The following TFDP2 variants were observed in gnomAD, a reference collection of about 807,000 sequenced individuals.
TFDP2 encodes transcription factor Dp-2 (E2F dimerization partner 2).
In TFDP2, 17 loss-of-function variants were observed where a neutral mutation model predicts 59.3. The observed-to-expected ratio is 0.29, with a 90% CI of 0.20 to 0.43. TFDP2 has a LOEUF of 0.43. Among genes scored for constraint, TFDP2 ranks in the 20% least tolerant of loss-of-function variants. The pLI, the probability that TFDP2 is intolerant of heterozygous loss-of-function variation, is 1.00. For synonymous variants in TFDP2, 180 were observed against 194.7 expected, an observed-to-expected ratio of 0.92 and a Z score of 0.63; for missense variants, 391 against 528.8, an observed-to-expected ratio of 0.74 and a Z score of 2.56.
chr3:142,081,606 A>G (rs1257741212), intron 3 of TFDP2, among the ~76,000 whole-genome samples: 1 of 152,162 alleles, frequency 6.6e-6, no homozygotes, highest in Non-Finnish European at 1.5e-5. Context: ...AAAAAAAGAG[A>G]GAAGACCCAA....
intron 3 of TFDP2, among the ~76,000 whole-genome samples, chr3:142,011,440 TG>T (rs1465150850): frequency 1.1e-5 from 1 of 90,400 alleles, no homozygotes; most frequent in African/African-American, 4.3e-5. Context: ...GGGACTGTGG[TG>T]GGGTGGGGGG....
chr3:141,998,050 C>T (rs1166632819), intron 4 of TFDP2, among the ~76,000 whole-genome samples: 1 of 152,046 alleles, frequency 6.6e-6, no homozygotes, highest in Non-Finnish European at 1.5e-5. Context: ...CTGCTCCTTT[C>T]TCTTAGCACA....
chr3:142,103,582 T>C (rs1447974054), intron 1 of TFDP2, among the ~76,000 whole-genome samples: 2 of 152,194 alleles, frequency 1.3e-5, no homozygotes, highest in Non-Finnish European at 2.9e-5. Flanking sequence ...TCTCAAATGA[T>C]GACAAAATAT....
intron 9 of TFDP2, among the ~76,000 whole-genome samples, chr3:141,968,048 T>C: frequency 6.6e-6 from 1 of 151,496 alleles, no homozygotes; most frequent in East Asian, 1.9e-4. Flanking sequence ...CATGAGCTCT[T>C]AGGGGATACT....
chr3:142,046,078 G>A (rs1947335758), intron 3 of TFDP2, among the ~76,000 whole-genome samples: 1 of 152,142 alleles, frequency 6.6e-6, no homozygotes, highest in Admixed American at 6.5e-5. Flanking sequence ...AATTCAGTTT[G>A]TCATGACTTA....
chr3:142,090,405 A>G (rs958773157), intron 3 of TFDP2, among the ~76,000 whole-genome samples: 1 of 152,162 alleles, frequency 6.6e-6, no homozygotes, highest in Non-Finnish European at 1.5e-5. Context: ...CTGTAACTAA[A>G]CTTTACTGGT....
At chr3:142,085,316 G>T (rs2060776553) in intron 3 of TFDP2, among the ~76,000 whole-genome samples, 1 of 146,402 alleles carries the variant, frequency 6.8e-6, no homozygotes, top group African/African-American at 2.8e-5. Flanking sequence ...CATTTACCAT[G>T]ATGTGATTAT....
chr3:142,099,427 C>G (rs534308120), intron 2 of TFDP2, among the ~76,000 whole-genome samples: 7 of 152,120 alleles, frequency 4.6e-5, no homozygotes, highest in Non-Finnish European at 8.8e-5. Flanking sequence ...CCGGGCCAGG[C>G]GCGGTGGCTC....
intron 1 of TFDP2, among the ~76,000 whole-genome samples, chr3:142,112,577 C>G (rs1308196662): frequency 6.6e-6 from 1 of 152,214 alleles, no homozygotes; most frequent in Non-Finnish European, 1.5e-5. Context: ...AACACATTGA[C>G]AAAGTGATTG....
chr3:142,147,630 G>C (rs73236052), intron 1 of TFDP2, among the ~76,000 whole-genome samples: 12,686 of 152,272 alleles, frequency 0.083, 659 homozygotes, highest in Middle Eastern at 0.14. Context: ...AAAAGTAAGA[G>C]TTTAGTAAGT....
intron 1 of TFDP2, among the ~76,000 whole-genome samples, chr3:142,141,244 G>C (rs1463131936): frequency 6.6e-6 from 1 of 152,228 alleles, no homozygotes; most frequent in Non-Finnish European, 1.5e-5. Context: ...ATTTGGACGA[G>C]AGCGTCCCAT....
At chr3:142,033,178 G>A (rs991769193) in intron 3 of TFDP2, among the ~76,000 whole-genome samples, 2 of 152,158 alleles carry the variant, frequency 1.3e-5, no homozygotes, top group African/African-American at 4.8e-5. Context: ...CTGGGCGACT[G>A]AGTGAGACTC....
chr3:142,107,732 A>G (rs1279388841), intron 1 of TFDP2, among the ~76,000 whole-genome samples: 2 of 152,186 alleles, frequency 1.3e-5, no homozygotes, highest in African/African-American at 4.8e-5. Flanking sequence ...AACCAACTGT[A>G]CAAATTACAG....
intron 3 of TFDP2, among the ~76,000 whole-genome samples, chr3:142,082,850 G>GGT (rs2060686003): frequency 6.6e-6 from 1 of 151,870 alleles, no homozygotes; most frequent in Non-Finnish European, 1.5e-5. Context: ...TAAAAAACTG[G>GGT]GTACAGAAGG....
At chr3:142,044,888 A>T (rs1309992628) in intron 3 of TFDP2, among the ~76,000 whole-genome samples, 1 of 152,168 alleles carries the variant, frequency 6.6e-6, no homozygotes, top group Non-Finnish European at 1.5e-5. Flanking sequence ...CTTAGATTTA[A>T]TTAGCTAATT....
chr3:142,002,075 A>G (rs1943829778), intron 4 of TFDP2, among the ~76,000 whole-genome samples: 1 of 150,726 alleles, frequency 6.6e-6, no homozygotes, highest in African/African-American at 2.4e-5. Context: ...GCTCACTGCA[A>G]CCTCAGCCTC....
At chr3:141,973,123 ATTTTT>A (rs761950988) in intron 8 of TFDP2, among the ~76,000 whole-genome samples, 8 of 58,026 alleles carry the variant, frequency 1.4e-4, no homozygotes, top group African/African-American at 5.2e-4. Context: ...ATATATATAT[ATTTTT>A]TTTTTTTAAA....
Position 142,141,827 on chromosome 3 carries a change from A to G in TFDP2, c.-93+7356T>C, listed in dbSNP as rs1298017136. 8.6e-5 allele frequency among the ~76,000 whole-genome samples: 13 copies of G among 150,774 alleles called. No individual in the cohort carries two copies. The Admixed American group carries it at 8.6e-4, about 10-fold the overall frequency. The stretch of plus-strand genomic sequence containing the variant: ...GACAGAGCAAGACTCTGTCTCAAGA[A>G]AAAAAAAAAGTCAAAAGAGCATGAA... On this transcript the variant is annotated intron_variant, in intron 1 of 12. Coordinates refer to ENST00000489671, the MANE Select transcript of TFDP2 (RefSeq NM_001178139.2).
At chr3:142,055,096 G>C (rs1470605167) in intron 3 of TFDP2, among the ~76,000 whole-genome samples, 1 of 152,136 alleles carries the variant, frequency 6.6e-6, no homozygotes, top group Non-Finnish European at 1.5e-5. Context: ...ATCCACTTTT[G>C]ATCCTGCAAT....
Sources: gnomAD v4.1 joint callset for allele counts (sites outside exome capture counted in the v4.1 genomes callset) on GRCh38, gnomAD v4.1.1 for gene constraint, MANE v1.5 for transcripts, NCBI Gene and HGNC (gene_info 2026-07-23, HGNC 2026-07-21) for gene names.